FAM78A: variants seen among roughly 807,000 people sequenced by gnomAD.
FAM78A encodes the protein family with sequence similarity 78 member A.
In FAM78A, 12 loss-of-function variants were observed where a neutral mutation model predicts 22.6. That is an observed-to-expected ratio of 0.53 (90% CI 0.34 to 0.86). The LOEUF (loss-of-function observed/expected upper bound fraction) is 0.86. Ranked by LOEUF, FAM78A falls within the 40% of genes least tolerant of loss-of-function variation. The pLI, the probability that FAM78A is intolerant of heterozygous loss-of-function variation, is 0.02. For missense variants in FAM78A, 322 were observed against 396.1 expected (o/e 0.81, Z 1.59); for synonymous variants, 151 against 155.8 (o/e 0.97, Z 0.23).
At chr9:131,267,153 A>G (rs114972025) in intron 1 of FAM78A, among the ~76,000 whole-genome samples, 249 of 152,220 alleles carry the variant, frequency 1.6e-3, no homozygotes, top group African/African-American at 5.7e-3. Context: ...AAGGTCCCCA[A>G]CCTGACCCAG....
In FAM78A at chr9:131,272,314, C is replaced by T. The variant is rs1835431204; in HGVS notation, c.323+3543G>A. 6.6e-6 allele frequency among the ~76,000 whole-genome samples: 1 copy of T among 152,252 alleles called. No homozygotes were observed. Among genetic ancestry groups the T allele is most frequent in the Non-Finnish European group, 1.5e-5 (1 of 68,044 alleles). Reference sequence around the variant, plus strand: ...CTGGGTCAAGTCCAGTGGTTCTCCACTAGGTGTGATTTCATAGCCCCTCCT... The same window carrying T: ...CTGGGTCAAGTCCAGTGGTTCTCCATTAGGTGTGATTTCATAGCCCCTCCT... On this transcript the variant is annotated intron_variant, in intron 1 of 1. Transcript: ENST00000372271. The surrounding 1 kb of genome is among the most constrained non-coding windows in gnomAD (Gnocchi z 4.1).
chr9:131,276,929 G>A (rs1215616723), upstream of FAM78A, among the ~76,000 whole-genome samples: 3 of 149,260 alleles, frequency 2.0e-5, no homozygotes, highest in Non-Finnish European at 3.0e-5. This position sits in a 1 kb window ranked among gnomAD's most constrained non-coding sequence, Gnocchi z 4.3. Flanking sequence ...CTGCTTCGCC[G>A]CGGCCGCCGA....
intron 1 of FAM78A, among the ~76,000 whole-genome samples, chr9:131,269,905 A>G (rs1443191446): frequency 3.3e-5 from 5 of 151,952 alleles, no homozygotes; most frequent in African/African-American, 1.2e-4. Flanking sequence ...AGAGGCTCTA[A>G]AAGTACAGGC....
chr9:131,268,872 G>T lies in FAM78A; in HGVS notation c.323+6985C>A, dbSNP rs7872361. On this transcript the variant is annotated intron_variant, in intron 1 of 1. Transcript: ENST00000372271. ...GGCGCCCCTGCACTCCAGCCTGGGC[G>T]ACAGAGCGAGACTCCGTCTCAAAAA... 2.7e-5 allele frequency among the ~76,000 whole-genome samples: 4 copies of T among 148,788 alleles called. No individual in the cohort carries two copies. The South Asian group carries it at 8.5e-4, about 32-fold the overall frequency.
At chr9:131,268,141 C>G (rs905630467) in intron 1 of FAM78A, among the ~76,000 whole-genome samples, 6 of 152,086 alleles carry the variant, frequency 3.9e-5, no homozygotes, top group Non-Finnish European at 7.4e-5. Context: ...TTCAGTCCCT[C>G]ACACAGGCTG....
chr9:131,277,581 C>T (rs1336590726), upstream of FAM78A, among the ~76,000 whole-genome samples: 1 of 151,778 alleles, frequency 6.6e-6, no homozygotes, highest in Non-Finnish European at 1.5e-5. The surrounding 1 kb of genome is among the most constrained non-coding windows in gnomAD (Gnocchi z 8.4). Flanking sequence ...GCCCGGGCAG[C>T]CGCTCTCCGG....
At chr9:131,270,387 T>A (rs1835402552) in intron 1 of FAM78A, 2 of 717,492 alleles carry the variant, frequency 2.8e-6, no homozygotes, top group Non-Finnish European at 5.2e-6. Context: ...CCAACTCCAA[T>A]CAGCAAAACA....
chr9:131,270,202 A>G (rs1033290569), intron 1 of FAM78A: 9 of 706,182 alleles, frequency 1.3e-5, no homozygotes, highest in African/African-American at 3.5e-5. Flanking sequence ...GTGAAACTGC[A>G]TCTCAAAAAC....
At chr9:131,268,036 A>T (rs149081095) in intron 1 of FAM78A, among the ~76,000 whole-genome samples, 3,398 of 130,702 alleles carry the variant, frequency 0.026, 49 homozygotes, top group Non-Finnish European at 0.035. Context: ...TGGGCGACAG[A>T]GTGAGACTCT....
upstream of FAM78A, among the ~76,000 whole-genome samples, chr9:131,278,198 C>T (rs757455549): frequency 8.5e-5 from 13 of 152,194 alleles, no homozygotes; most frequent in Non-Finnish European, 1.5e-4. Flanking sequence ...TGAGCCTCTC[C>T]TTGAACAAAC....
chr9:131,259,971 G>C lies in FAM78A; in HGVS notation c.*851C>G, dbSNP rs1246019088. ...AAGTTAAGGCTGCTGGGAAGAGAGG[G>C]GAGAAGAGGCCAGGCGACTGGTGGA... is the stretch of plus-strand genomic sequence containing the variant. On this transcript the variant is annotated 3_prime_UTR_variant, in exon 2 of 2. Coordinates refer to ENST00000372271, the MANE Select transcript of FAM78A (RefSeq NM_033387.4). 1 of 152,744 alleles carries C rather than the reference G, an allele frequency of 6.5e-6. No homozygotes were observed. Among genetic ancestry groups the C allele is most frequent in the Non-Finnish European group, 1.5e-5 (1 of 68,124 alleles). 9.5% of individuals were successfully genotyped at this position (152,744 alleles called of 1,614,324 possible).
At position 131,260,717 on chromosome 9, in the gene FAM78A, A is replaced by G; in HGVS notation, c.*105T>C. 3 of 1,373,338 alleles carry G rather than the reference A, an allele frequency of 2.2e-6. No homozygotes were observed. The highest frequency in any genetic ancestry group is 1.9e-6 in the Non-Finnish European group (2 of 1,033,560). The allele number at this position is 1,373,338 out of a possible 1,614,324, so 85.1% of individuals were successfully genotyped here. On this transcript the variant is annotated 3_prime_UTR_variant, in exon 2 of 2. Transcript: ENST00000372271. The surrounding 1 kb of genome is among the most constrained non-coding windows in gnomAD (Gnocchi z 5.4). ...GCACAGTGAGATCCGCCCGCTGGAG[A>G]GGGTAGAATGGTTGTATCTTGCTGA...
At chr9:131,262,873 G>A (rs1835291979) in intron 1 of FAM78A, 1 of 152,142 alleles carries the variant, frequency 6.6e-6, no homozygotes, top group African/African-American at 2.4e-5. Context: ...TAGAATGGAG[G>A]TTGCCAGGGG....
Position 131,275,789 on chromosome 9 carries a change from C to T in FAM78A, c.323+68G>A. 2.7e-6 allele frequency: 4 copies of T among 1,479,370 alleles called. No individual in the cohort carries two copies. Among genetic ancestry groups the T allele is most frequent in the East Asian group, 2.3e-5 (1 of 43,266 alleles). 91.6% of individuals were successfully genotyped at this position (1,479,370 alleles called of 1,614,324 possible). A position where few individuals can be genotyped will look rare whatever the true frequency, so the allele number is the denominator to read the frequency against. Reference sequence around the variant, plus strand: ...ATCTCCACCTTCCCCCTATCCGCGGCCCCCCACCAGGCCTCCAAGCTCGGC... The same window carrying T: ...ATCTCCACCTTCCCCCTATCCGCGGTCCCCCACCAGGCCTCCAAGCTCGGC... On this transcript the variant is annotated intron_variant, in intron 1 of 1. Coordinates refer to ENST00000372271, the MANE Select transcript of FAM78A (RefSeq NM_033387.4). This position sits in a 1 kb window ranked among gnomAD's most constrained non-coding sequence, Gnocchi z 4.6.
rs1311041330 is a variant in FAM78A at position 131,270,999 on chromosome 9, G to GCCTT, written c.323+4857_323+4858insAAGG. ...ACCCCTGCCCTGTCCTTTCCCACCA[G>GCCTT]TCTTTTTTTTTTTTTTTTTTTTTTG... On this transcript the variant is annotated intron_variant, in intron 1 of 1. Coordinates refer to ENST00000372271, the MANE Select transcript of FAM78A (RefSeq NM_033387.4). Among the ~76,000 whole-genome samples the GCCTT allele has an allele frequency of 1.1e-4, 14 of 131,970 alleles. 3 individuals carry two copies. Among genetic ancestry groups the GCCTT allele is most frequent in the Non-Finnish European group, 1.1e-4 (7 of 62,980 alleles). The allele number at this position is 131,970 out of a possible 152,430, so 86.6% of individuals were successfully genotyped here. A position where few individuals can be genotyped will look rare whatever the true frequency, so the allele number is the denominator to read the frequency against.
chr9:131,271,902 G>T (rs926081630), intron 1 of FAM78A, among the ~76,000 whole-genome samples: 3 of 151,504 alleles, frequency 2.0e-5, no homozygotes, highest in African/African-American at 4.9e-5. Context: ...GATGGGGGGG[G>T]TTGGCTTTTA....
At chr9:131,266,949 G>A (rs533095998) in intron 1 of FAM78A, among the ~76,000 whole-genome samples, 3 of 152,364 alleles carry the variant, frequency 2.0e-5, no homozygotes, top group East Asian at 3.9e-4. Context: ...ATCCTGCAGG[G>A]CTGCAGCTGC....
chr9:131,265,492 A>G lies in FAM78A; in HGVS notation c.324-4142T>C, dbSNP rs1835332604. 6.6e-6 allele frequency among the ~76,000 whole-genome samples: 1 copy of G among 151,930 alleles called. No homozygotes were observed. Among genetic ancestry groups the G allele is most frequent in the Non-Finnish European group, 1.5e-5 (1 of 67,954 alleles). On this transcript the variant is annotated intron_variant, in intron 1 of 1. Coordinates refer to ENST00000372271, the MANE Select transcript of FAM78A (RefSeq NM_033387.4). The surrounding 1 kb of genome is among the most constrained non-coding windows in gnomAD (Gnocchi z 4.3). The stretch of plus-strand genomic sequence containing the variant: ...TCGAACTCCTGACCTCAGGTAACCC[A>G]CCCACCTCAGCCTCTCACAGTGCTG...
chr9:131,273,314 G>T (rs946729798), intron 1 of FAM78A, among the ~76,000 whole-genome samples: 1 of 152,318 alleles, frequency 6.6e-6, no homozygotes, highest in African/African-American at 2.4e-5. Flanking sequence ...CCTTCTGCCC[G>T]ACTGCTCCAA....
Sources: gnomAD v4.1 joint callset for allele counts (sites outside exome capture counted in the v4.1 genomes callset) on GRCh38, gnomAD v4.1.1 for gene constraint, Gnocchi (gnomAD v3.1) non-coding constraint, MANE v1.5 for transcripts, NCBI Gene and HGNC (gene_info 2026-07-23, HGNC 2026-07-21) for gene names.